Variants in GPC5 observed in about 807,000 individuals in gnomAD.
GPC5 encodes glypican 5.
In GPC5, 47 loss-of-function variants were observed where a neutral mutation model predicts 53.9. The observed-to-expected ratio is 0.87, with a 90% CI of 0.69 to 1.11. The LOEUF (loss-of-function observed/expected upper bound fraction) is 1.11, where lower values mean the gene tolerates loss of function less well. GPC5 is among the 50% of genes most tolerant of loss of function. The pLI is 0.00. For missense variants in GPC5, 748 were observed against 713.1 expected, an observed-to-expected ratio of 1.05 and a Z score of -0.56; for synonymous variants, 286 against 263.3, an observed-to-expected ratio of 1.09 and a Z score of -0.84.
At chr13:91,534,578 A>C (rs1268962767) in intron 2 of GPC5, among the ~76,000 whole-genome samples, 2 of 152,238 alleles carry the variant, frequency 1.3e-5, no homozygotes, top group East Asian at 1.9e-4. Context: ...ATTAATCCTC[A>C]GAAAGAAAAA....
chr13:92,459,139 A>G (rs950874796), intron 7 of GPC5, among the ~76,000 whole-genome samples: 2 of 152,158 alleles, frequency 1.3e-5, no homozygotes, highest in African/African-American at 4.8e-5. Context: ...AGTGAAACAG[A>G]TTTGATTTTA....
chr13:92,464,017 G>A (rs1878595222), intron 7 of GPC5, among the ~76,000 whole-genome samples: 1 of 152,176 alleles, frequency 6.6e-6, no homozygotes, highest in African/African-American at 2.4e-5. Flanking sequence ...AGCACTAAGT[G>A]CTGTGTATAT....
chr13:92,039,106 C>G (rs2138820984), intron 6 of GPC5, among the ~76,000 whole-genome samples: 1 of 152,252 alleles, frequency 6.6e-6, no homozygotes, highest in South Asian at 2.1e-4. Flanking sequence ...GGGAGTAAAG[C>G]CAGACTGCAG....
At chr13:92,532,827 TA>T (rs1053712658) in intron 7 of GPC5, among the ~76,000 whole-genome samples, 2 of 152,130 alleles carry the variant, frequency 1.3e-5, no homozygotes, top group African/African-American at 4.8e-5. Flanking sequence ...AATTTATTTG[TA>T]AAAAAGAACA....
intron 7 of GPC5, among the ~76,000 whole-genome samples, chr13:92,745,597 G>A (rs1448921536): frequency 6.6e-6 from 1 of 152,028 alleles, no homozygotes; most frequent in Non-Finnish European, 1.5e-5. Context: ...GGTCATTAGG[G>A]TAAAATAGCA....
At chr13:92,663,799 CTA>C (rs1261867959) in intron 7 of GPC5, among the ~76,000 whole-genome samples, 4 of 136,554 alleles carry the variant, frequency 2.9e-5, no homozygotes, top group African/African-American at 5.6e-5. Context: ...TATACACACA[CTA>C]TATATATACA....
At chr13:92,197,050 G>A (rs1161870918) in intron 7 of GPC5, among the ~76,000 whole-genome samples, 3 of 152,132 alleles carry the variant, frequency 2.0e-5, no homozygotes, top group African/African-American at 7.2e-5. Context: ...GAAGTGAGTC[G>A]CACCACAGAC....
At chr13:92,451,613 C>A (rs1462669760) in intron 7 of GPC5, among the ~76,000 whole-genome samples, 3 of 152,084 alleles carry the variant, frequency 2.0e-5, no homozygotes, top group African/African-American at 7.2e-5. Context: ...ATGTTCTGCA[C>A]GTGGCACAAT....
chr13:91,572,124 T>C (rs1203418672), intron 2 of GPC5, among the ~76,000 whole-genome samples: 1 of 144,272 alleles, frequency 6.9e-6, no homozygotes, highest in Non-Finnish European at 1.5e-5. Flanking sequence ...TATATATACG[T>C]GTGTATATAC....
intron 1 of GPC5, among the ~76,000 whole-genome samples, chr13:91,445,902 C>T (rs1197884637): frequency 1.3e-5 from 2 of 152,160 alleles, no homozygotes; most frequent in African/African-American, 4.8e-5. Flanking sequence ...TCAAGTGGGT[C>T]GCTGTGCTTT....
chr13:91,624,024 A>G (rs2033934320), intron 2 of GPC5, among the ~76,000 whole-genome samples: 1 of 152,162 alleles, frequency 6.6e-6, no homozygotes, highest in Non-Finnish European at 1.5e-5. Context: ...TTTCCAAACC[A>G]ACGAAGAGCA....
intron 3 of GPC5, among the ~76,000 whole-genome samples, chr13:91,722,747 G>GT (rs2036500448): frequency 6.6e-6 from 1 of 152,170 alleles, no homozygotes; most frequent in Non-Finnish European, 1.5e-5. Flanking sequence ...ATGCCTCCAA[G>GT]TAAACACTTT....
intron 2 of GPC5, among the ~76,000 whole-genome samples, chr13:91,466,088 G>A (rs890446788): frequency 3.3e-5 from 5 of 152,140 alleles, no homozygotes; most frequent in African/African-American, 1.2e-4. Context: ...GCCAGGCCAC[G>A]AGCCAAGGCC....
intron 7 of GPC5, among the ~76,000 whole-genome samples, chr13:92,786,459 T>C (rs1339661564): frequency 6.6e-6 from 1 of 151,978 alleles, no homozygotes; most frequent in Non-Finnish European, 1.5e-5. Context: ...GGATCTTAAA[T>C]GCCCCCACTG....
intron 7 of GPC5, among the ~76,000 whole-genome samples, chr13:92,199,827 T>TA (rs35107859): frequency 2.6e-4 from 39 of 152,198 alleles, no homozygotes; most frequent in African/African-American, 5.1e-4. Context: ...CAATTTTTTT[T>TA]AAAAAAAGCC....
chr13:91,419,456 G>T (rs902813802), intron 1 of GPC5, among the ~76,000 whole-genome samples: 6 of 152,116 alleles, frequency 3.9e-5, no homozygotes, highest in African/African-American at 1.2e-4. Flanking sequence ...CTCTGGGTTT[G>T]CTATTAGTTA....
At chr13:92,230,658 C>A (rs1050974741) in intron 7 of GPC5, among the ~76,000 whole-genome samples, 6 of 152,042 alleles carry the variant, frequency 3.9e-5, no homozygotes, top group African/African-American at 1.4e-4. Flanking sequence ...GTAGCAAACT[C>A]GAGATATAGC....
intron 7 of GPC5, among the ~76,000 whole-genome samples, chr13:92,183,578 T>G (rs2042162817): frequency 6.6e-6 from 1 of 152,178 alleles, no homozygotes; most frequent in Non-Finnish European, 1.5e-5. Flanking sequence ...TTGAGTCACT[T>G]ATATATAAAT....
chr13:92,608,871 TA>T (rs1250106981), intron 7 of GPC5, among the ~76,000 whole-genome samples: 5 of 152,206 alleles, frequency 3.3e-5, no homozygotes, highest in Non-Finnish European at 5.9e-5. Context: ...CCATAGTGTA[TA>T]GGGGGCAACT....
Sources: allele counts gnomAD v4.1 joint callset (sites outside exome capture counted in the v4.1 genomes callset), GRCh38; gene constraint gnomAD v4.1.1; transcripts MANE v1.5; gene names NCBI Gene and HGNC (gene_info 2026-07-23, HGNC 2026-07-21).